KCNJ6: variants seen among roughly 807,000 people sequenced by gnomAD.
KCNJ6 encodes potassium inwardly rectifying channel subfamily J member 6, also known as G protein-activated inward rectifier potassium channel 2.
A neutral mutation model predicts 34.2 loss-of-function variants in KCNJ6; 9 were observed. That is an observed-to-expected ratio of 0.26 (90% CI 0.16 to 0.46). The LOEUF (loss-of-function observed/expected upper bound fraction) is 0.46, where lower values mean the gene tolerates loss of function less well. KCNJ6 is among the 20% of genes least tolerant of loss of function. The pLI is 1.00. For synonymous variants in KCNJ6, 196 were observed against 207.1 expected (o/e 0.95, Z 0.46); for missense variants, 236 against 531.3 (o/e 0.44, Z 5.46).
intron 1 of KCNJ6, among the ~76,000 whole-genome samples, chr21:37,865,209 G>A (rs1305322521): frequency 2.6e-5 from 4 of 152,208 alleles, no homozygotes; most frequent in Non-Finnish European, 2.9e-5. Flanking sequence ...TGGGAATAAT[G>A]TAAAGTGTGT....
At chr21:37,698,608 C>G (rs1319316177) in intron 3 of KCNJ6, among the ~76,000 whole-genome samples, 1 of 152,062 alleles carries the variant, frequency 6.6e-6, no homozygotes, top group Non-Finnish European at 1.5e-5. Flanking sequence ...TAGCTCACTG[C>G]AGCCTTTCGA....
intron 3 of KCNJ6, among the ~76,000 whole-genome samples, chr21:37,673,608 C>T (rs967265516): frequency 3.0e-4 from 46 of 152,192 alleles, no homozygotes; most frequent in African/African-American, 1.1e-3. Context: ...TAGGACACAA[C>T]ACAGGGACAC....
chr21:37,860,721 T>A (rs542646198), intron 1 of KCNJ6, among the ~76,000 whole-genome samples: 1 of 152,062 alleles, frequency 6.6e-6, no homozygotes, highest in East Asian at 1.9e-4. Flanking sequence ...CCCCCTGGAG[T>A]GGCTCTCTAT....
At chr21:37,880,447 A>G (rs1193122508) in intron 1 of KCNJ6, among the ~76,000 whole-genome samples, 1 of 152,240 alleles carries the variant, frequency 6.6e-6, no homozygotes, top group Non-Finnish European at 1.5e-5. Flanking sequence ...CAAACTCACT[A>G]TCTTCTTCCC....
chr21:37,790,501 C>A (rs2055211835), intron 2 of KCNJ6, among the ~76,000 whole-genome samples: 1 of 152,052 alleles, frequency 6.6e-6, no homozygotes, highest in Non-Finnish European at 1.5e-5. Context: ...CATTATTATC[C>A]CCATTTCATA....
chr21:37,775,198 TTTG>T (rs2055136283), intron 2 of KCNJ6, among the ~76,000 whole-genome samples: 1 of 80,892 alleles, frequency 1.2e-5, no homozygotes, highest in East Asian at 3.8e-4. Context: ...GATGGGGTTG[TTTG>T]TTTTTTTCTT....
Position 37,780,758 on chromosome 21 carries a change from T to G in KCNJ6, c.25+59900A>C, listed in dbSNP as rs562272374. On this transcript the variant is annotated intron_variant, in intron 2 of 3. Coordinates refer to ENST00000609713, the MANE Select transcript of KCNJ6 (RefSeq NM_002240.5). ...GATAGTTTGTAACACAAAGGATAAATGCTTGAGGGGATGGATACCCTATTT... is the reference window on the plus strand; with the variant it reads ...GATAGTTTGTAACACAAAGGATAAAGGCTTGAGGGGATGGATACCCTATTT... Among the ~76,000 whole-genome samples, 10 of 152,340 alleles carry G rather than the reference T, an allele frequency of 6.6e-5. No homozygotes were observed. In the South Asian group the frequency reaches 2.1e-3, roughly 32 times the overall value.
At chr21:37,711,107 G>T (rs574113569) in intron 3 of KCNJ6, among the ~76,000 whole-genome samples, 1 of 152,168 alleles carries the variant, frequency 6.6e-6, no homozygotes. Context: ...AGGGGGGCTC[G>T]CTTCCAGCCT....
chr21:37,831,297 CAA>C (rs2055424732), intron 2 of KCNJ6, among the ~76,000 whole-genome samples: 1 of 152,192 alleles, frequency 6.6e-6, no homozygotes, highest in Non-Finnish European at 1.5e-5. Flanking sequence ...TGCTTTCAAT[CAA>C]AGGCTGCTTT....
At chr21:37,801,331 T>C (rs1310607994) in intron 2 of KCNJ6, among the ~76,000 whole-genome samples, 3 of 152,188 alleles carry the variant, frequency 2.0e-5, no homozygotes, top group African/African-American at 7.2e-5. Flanking sequence ...GCAGAGCCCC[T>C]GCCGCATGCT....
At chr21:37,643,573 A>G (rs1328516763) in intron 3 of KCNJ6, among the ~76,000 whole-genome samples, 1 of 152,166 alleles carries the variant, frequency 6.6e-6, no homozygotes, top group Non-Finnish European at 1.5e-5. Flanking sequence ...AGTCGGACCA[A>G]TGTGTGTCAG....
At chr21:37,655,227 GAGAGAGAGAGAGAGAGAGAGAGA>G (rs2054456601) in intron 3 of KCNJ6, among the ~76,000 whole-genome samples, 2 of 1,670 alleles carry the variant, frequency 1.2e-3, no homozygotes, top group African/African-American at 3.3e-3. Context: ...GTGTGTGTGA[GAGAGAGAGAGAGAGAGAGAGAGA>G]GAGAGAGAGA....
chr21:37,698,863 A>T (rs1377406130), intron 3 of KCNJ6, among the ~76,000 whole-genome samples: 1 of 151,910 alleles, frequency 6.6e-6, no homozygotes, highest in Non-Finnish European at 1.5e-5. Context: ...CGCTTGGCTA[A>T]TTTTTTTGTA....
intron 2 of KCNJ6, among the ~76,000 whole-genome samples, chr21:37,774,659 T>C (rs548762647): frequency 6.6e-6 from 1 of 152,296 alleles, no homozygotes; most frequent in African/African-American, 2.4e-5. Context: ...TTCATCCATG[T>C]CCCTACAAAG....
chr21:37,825,722 A>G (rs2055395930), intron 2 of KCNJ6, among the ~76,000 whole-genome samples: 1 of 152,216 alleles, frequency 6.6e-6, no homozygotes, highest in Non-Finnish European at 1.5e-5. Context: ...AAAGAGGTTT[A>G]ATGGACTCAC....
intron 3 of KCNJ6, among the ~76,000 whole-genome samples, chr21:37,645,580 G>C (rs1446947298): frequency 2.0e-5 from 3 of 152,130 alleles, no homozygotes; most frequent in Admixed American, 2.0e-4. Flanking sequence ...TGTTTGTGAA[G>C]GTCTGTGGAT....
intron 2 of KCNJ6, among the ~76,000 whole-genome samples, chr21:37,754,577 G>A (rs1221952047): frequency 1.3e-5 from 2 of 152,132 alleles, no homozygotes; most frequent in African/African-American, 4.8e-5. Flanking sequence ...TAGCTGATCC[G>A]GGACAATGGA....
chr21:37,658,460 C>A (rs2054474111), intron 3 of KCNJ6, among the ~76,000 whole-genome samples: 1 of 152,198 alleles, frequency 6.6e-6, no homozygotes, highest in South Asian at 2.1e-4. Flanking sequence ...TAGAATGTTG[C>A]AGCAAGCAGG....
At chr21:37,749,799 T>A (rs144958461) in intron 2 of KCNJ6, among the ~76,000 whole-genome samples, 3 of 152,294 alleles carry the variant, frequency 2.0e-5, no homozygotes, top group Admixed American at 2.0e-4. Context: ...CATAATCTAT[T>A]GAGGCTGAAT....
Sources: allele counts gnomAD v4.1 joint callset (sites outside exome capture counted in the v4.1 genomes callset), GRCh38; gene constraint gnomAD v4.1.1; transcripts MANE v1.5; gene names NCBI Gene and HGNC (gene_info 2026-07-23, HGNC 2026-07-21).